GRIN1: variants seen among roughly 807,000 people sequenced by gnomAD.
GRIN1 encodes the protein glutamate ionotropic receptor NMDA type subunit 1, also known as glutamate receptor ionotropic, NMDA 1.
Under a neutral mutation model 103.0 loss-of-function variants are expected in GRIN1, and 38 were observed. The observed-to-expected ratio is 0.37, with a 90% CI of 0.28 to 0.48. GRIN1 has a LOEUF of 0.48. GRIN1 is among the 20% of genes least tolerant of loss of function. The pLI is 0.98. For synonymous variants in GRIN1, 544 were observed against 532.7 expected (o/e 1.02, Z -0.29); for missense variants, 577 against 1,288.9 (o/e 0.45, Z 8.46).
At chr9:137,163,716 G>A (rs767476239) in intron 17 of GRIN1, 43 bp from the exon 18 acceptor site, 2 of 1,613,574 alleles carry the variant, frequency 1.2e-6, no homozygotes, top group Non-Finnish European at 1.7e-6. Context: ...GTGGGCTGCG[G>A]CCTCCCTGGC....
Position 137,162,159 on chromosome 9 carries a change from C to G in GRIN1, c.1633-13C>G. ...GAGGGCCCGGGCCGCGCTGACCTCG[C>G]GTCCCTCCGCAGGAGATTCCCCGGA... On this transcript the variant is annotated splice_polypyrimidine_tract_variant and intron_variant, in intron 11 of 19. Coordinates refer to ENST00000371561, the MANE Select transcript of GRIN1 (RefSeq NM_007327.4). 2 of 1,543,132 alleles carry G rather than the reference C, an allele frequency of 1.3e-6. No homozygotes were observed. The highest frequency in any genetic ancestry group is 1.7e-6 in the Non-Finnish European group (2 of 1,146,060).
At chr9:137,160,914 G>A in intron 8 of GRIN1, 142 bp from the exon 9 acceptor site, 1 of 1,043,764 alleles carries the variant, frequency 9.6e-7, no homozygotes, top group Non-Finnish European at 1.4e-6. Flanking sequence ...GAGGGGCAGT[G>A]GCCGGCGGCG....
At chr9:137,166,169 T>A (rs1017667691) in intron 19 of GRIN1, among the ~76,000 whole-genome samples, 4 of 152,030 alleles carry the variant, frequency 2.6e-5, no homozygotes, top group Non-Finnish European at 5.9e-5. Flanking sequence ...AACGACCACC[T>A]CAGCTCCTGA....
At chr9:137,158,754 CCACCCCCT>C in intron 8 of GRIN1, 50 bp downstream of exon 8, 1 of 1,341,682 alleles carries the variant, frequency 7.5e-7, no homozygotes, top group Non-Finnish European at 1.1e-6. Context: ...GACAGCCCAT[CCACCCCCT>C]CTGGCCTGAA....
intron 10 of GRIN1, 49 bp downstream of exon 10, chr9:137,161,465 C>A: frequency 6.9e-7 from 1 of 1,443,250 alleles, no homozygotes; most frequent in South Asian, 1.3e-5. Flanking sequence ...GGCCTGCAGG[C>A]GCGGTCGGAG....
chr9:137,148,245 C>T (rs929167057), intron 3 of GRIN1: 32 of 1,474,098 alleles, frequency 2.2e-5, no homozygotes, highest in Middle Eastern at 1.7e-4. Flanking sequence ...ACGCCACCCA[C>T]GGCTAGGGAG....
intron 4 of GRIN1, among the ~76,000 whole-genome samples, chr9:137,151,305 G>A (rs1161479584): frequency 7.6e-6 from 1 of 130,740 alleles, no homozygotes; most frequent in Non-Finnish European, 1.6e-5. Context: ...AAAAAGCTCT[G>A]GCCAGATAAA....
chr9:137,164,705 C>T (rs1833771510), intron 18 of GRIN1: 1 of 209,254 alleles, frequency 4.8e-6, no homozygotes, highest in African/African-American at 2.3e-5. Context: ...GGCCATCAGA[C>T]CTGAGGCCAG....
intron 4 of GRIN1, 46 bp downstream of exon 4, chr9:137,149,155 G>A (rs1385983479): frequency 1.6e-5 from 21 of 1,275,906 alleles, no homozygotes; most frequent in African/African-American, 2.9e-5. Flanking sequence ...GATGGTACCT[G>A]AGCCAAGTAC....
chr9:137,166,664 A>G (rs973739564), intron 19 of GRIN1, among the ~76,000 whole-genome samples: 7 of 152,256 alleles, frequency 4.6e-5, no homozygotes, highest in African/African-American at 1.4e-4. Flanking sequence ...GGGACTTGGC[A>G]TGCAGGATGG....
chr9:137,155,196 CAT>C (rs1164246856), intron 4 of GRIN1, among the ~76,000 whole-genome samples: 1 of 152,232 alleles, frequency 6.6e-6, no homozygotes, highest in Admixed American at 6.5e-5. Flanking sequence ...CACCACATCA[CAT>C]GTCATGGACC....
Position 137,139,889 on chromosome 9 carries a change from G to C in GRIN1, c.258+145G>C, listed in dbSNP as rs551071260. The C allele has an allele frequency of 7.2e-6, 5 of 695,270 alleles. No individual in the cohort carries two copies. Among genetic ancestry groups the C allele is most frequent in the East Asian group, 5.4e-5 (2 of 37,022 alleles). 43.1% of individuals were successfully genotyped at this position (695,270 alleles called of 1,614,324 possible). A position where few individuals can be genotyped will look rare whatever the true frequency, so the allele number is the denominator to read the frequency against. ...CAGCTGGCTGCTTCCGGGAGGCCTC[G>C]TCTCACTAGGAACCAAACACCAGGG... On this transcript the variant is annotated intron_variant, in intron 1 of 19. Coordinates refer to ENST00000371561, the MANE Select transcript of GRIN1 (RefSeq NM_007327.4). This position sits in a 1 kb window ranked among gnomAD's most constrained non-coding sequence, Gnocchi z 7.7.
intron 2 of GRIN1, among the ~76,000 whole-genome samples, chr9:137,142,565 C>T (rs766860298): frequency 1.8e-4 from 27 of 152,208 alleles, no homozygotes; most frequent in South Asian, 4.1e-4. Context: ...CCCATGGATT[C>T]GCACAAAGTC....
Position 137,158,713 on chromosome 9 carries a change from C to T in GRIN1, c.1197+9C>T, listed in dbSNP as rs1833370518. The T allele has an allele frequency of 6.2e-7, 1 of 1,601,530 alleles. No homozygotes were observed. Among genetic ancestry groups the T allele is most frequent in the South Asian group, 1.1e-5 (1 of 90,876 alleles). On this transcript the variant is annotated intron_variant, in intron 8 of 19. Coordinates refer to ENST00000371561, the MANE Select transcript of GRIN1 (RefSeq NM_007327.4). ...TGTCCACCAGACTGAAGGTGGGGGC[C>T]CCACAGACCTCCCTCAGTGTCCCCA...
In GRIN1 at chr9:137,164,061, G is replaced by A. The variant is rs780469951; in HGVS notation, c.2589+157G>A. 5.7e-5 allele frequency: 52 copies of A among 911,412 alleles called. No individual in the cohort carries two copies. In the Admixed American group the frequency reaches 8.2e-4, roughly 14 times the overall value. The allele number at this position is 911,412 out of a possible 1,614,324, so 56.5% of individuals were successfully genotyped here. On this transcript the variant is annotated intron_variant, in intron 18 of 19. Transcript: ENST00000371561. ...GCAGTGGTGAGTGCTCCCAGGGCAC[G>A]GGGGCAGCACCGGTGGGGGGCTGCC...
At chr9:137,144,563 G>A (rs987924089) in intron 2 of GRIN1, among the ~76,000 whole-genome samples, 6 of 151,978 alleles carry the variant, frequency 3.9e-5, no homozygotes, top group South Asian at 2.1e-4. Flanking sequence ...GCTGAGGCAG[G>A]AGAATGGTGT....
At chr9:137,148,315 G>C (rs2131229138) in intron 3 of GRIN1, 1 of 766,308 alleles carries the variant, frequency 1.3e-6, no homozygotes, top group African/African-American at 1.8e-5. Context: ...CGAGCCGCAG[G>C]CCCAAGCAAT....
chr9:137,157,353 C>G (rs1006832810), intron 6 of GRIN1, among the ~76,000 whole-genome samples: 1 of 152,160 alleles, frequency 6.6e-6, no homozygotes, highest in Non-Finnish European at 1.5e-5. Flanking sequence ...TCCCCCCACA[C>G]CCCCAGCACC....
intron 2 of GRIN1, among the ~76,000 whole-genome samples, chr9:137,143,412 G>T (rs1480418834): frequency 2.0e-5 from 3 of 152,236 alleles, no homozygotes; most frequent in East Asian, 3.8e-4. Flanking sequence ...GAAGGTGGGG[G>T]TCTCATTCCT....
Sources: allele counts gnomAD v4.1 joint callset (sites outside exome capture counted in the v4.1 genomes callset), GRCh38; gene constraint gnomAD v4.1.1; non-coding constraint Gnocchi (gnomAD v3.1); transcripts MANE v1.5; gene names NCBI Gene and HGNC (gene_info 2026-07-23, HGNC 2026-07-21).